Variants in SBF2 observed in about 807,000 individuals in gnomAD.
SBF2 encodes myotubularin-related protein 13.
In SBF2, 112 loss-of-function variants were observed where a neutral mutation model predicts 225.2. The ratio of observed to expected loss-of-function variants is 0.50; its 90% CI spans 0.43 to 0.58. SBF2 has a LOEUF of 0.58. Among genes scored for constraint, SBF2 ranks in the 20% least tolerant of loss-of-function variants. The probability of loss-of-function intolerance (pLI) is 0.00; values close to 1 mark genes in which losing one functional copy is unlikely to be tolerated. For synonymous variants in SBF2, 763 were observed against 773.3 expected, an observed-to-expected ratio of 0.99 and a Z score of 0.22; for missense variants, 1,996 against 2,206.2, an observed-to-expected ratio of 0.90 and a Z score of 1.91.
chr11:10,027,941 C>CACTTTCCTTT (rs1192774115), intron 6 of SBF2, among the ~76,000 whole-genome samples: 2 of 152,106 alleles, frequency 1.3e-5, no homozygotes, highest in Non-Finnish European at 1.5e-5. Flanking sequence ...AAAATATGTC[C>CACTTTCCTTT]ACTTTCCTTC....
chr11:10,007,772 A>G (rs1369492587), intron 6 of SBF2, among the ~76,000 whole-genome samples: 1 of 152,148 alleles, frequency 6.6e-6, no homozygotes, highest in African/African-American at 2.4e-5. Flanking sequence ...ATCCAGGGCT[A>G]TCCTCTGGAC....
intron 36 of SBF2, among the ~76,000 whole-genome samples, chr11:9,787,189 C>T (rs949698933): frequency 2.6e-5 from 4 of 152,176 alleles, no homozygotes; most frequent in Non-Finnish European, 5.9e-5. Flanking sequence ...CCACCGCACC[C>T]GGCCGTTAAA....
chr11:9,838,005 G>A (rs1054001164), intron 26 of SBF2: 4 of 149,592 alleles, frequency 2.7e-5, no homozygotes, highest in African/African-American at 9.8e-5. Flanking sequence ...CAAAGTGCTG[G>A]GATTACAGGC....
intron 2 of SBF2, among the ~76,000 whole-genome samples, chr11:10,189,939 G>C (rs1168742935): frequency 6.6e-6 from 1 of 152,158 alleles, no homozygotes; most frequent in Non-Finnish European, 1.5e-5. Context: ...ATCACCTGAG[G>C]TCAGGAGTTC....
At chr11:10,157,267 T>C (rs548982643) in intron 2 of SBF2, among the ~76,000 whole-genome samples, 19 of 152,078 alleles carry the variant, frequency 1.2e-4, no homozygotes, top group Non-Finnish European at 2.8e-4. Flanking sequence ...AAAAATTAAC[T>C]CAAGATGGAT....
At chr11:10,145,499 C>T (rs1023632185) in intron 2 of SBF2, among the ~76,000 whole-genome samples, 2 of 151,964 alleles carry the variant, frequency 1.3e-5, no homozygotes, top group Non-Finnish European at 2.9e-5. Flanking sequence ...TATAAAAGAG[C>T]TTTAGGGCTG....
At chr11:10,079,784 C>T (rs181777874) in intron 2 of SBF2, among the ~76,000 whole-genome samples, 1 of 152,166 alleles carries the variant, frequency 6.6e-6, no homozygotes, top group East Asian at 1.9e-4. Context: ...ATGACATAGT[C>T]ATCAGAATGC....
chr11:9,790,091 T>C (rs566700098), intron 34 of SBF2, among the ~76,000 whole-genome samples: 17 of 152,342 alleles, frequency 1.1e-4, no homozygotes, highest in South Asian at 1.0e-3. Context: ...GTGTGTTATG[T>C]AGATGTGCAT....
At chr11:10,211,379 A>G (rs1046980256) in intron 1 of SBF2, among the ~76,000 whole-genome samples, 7 of 152,192 alleles carry the variant, frequency 4.6e-5, no homozygotes, top group Admixed American at 1.3e-4. Flanking sequence ...AAACCCAGAG[A>G]GACCCACCAG....
chr11:9,800,373 AG>A (rs1228554386), intron 32 of SBF2, among the ~76,000 whole-genome samples: 1 of 152,088 alleles, frequency 6.6e-6, no homozygotes, highest in African/African-American at 2.4e-5. Context: ...TTTGCTTAAC[AG>A]GGATTTTTAA....
At position 9,845,625 on chromosome 11, in the gene SBF2, G is replaced by A; in HGVS notation, c.3050C>T (p.Ala1017Val). 2 of 1,613,960 alleles carry A rather than the reference G, an allele frequency of 1.2e-6. No homozygotes were observed. Among genetic ancestry groups the A allele is most frequent in the Non-Finnish European group, 1.7e-6 (2 of 1,179,834 alleles). ...AATTATTTGTGGGGTAGTTTGTCCA[G>A]CAGCAAAAGCAAAGGTACTGAAAAT... is the stretch of plus-strand genomic sequence containing the variant. ...QSIFSTFAFAAGQTTPQIILP... is the reference protein window; with the variant it reads ...QSIFSTFAFAVGQTTPQIILP... The change falls in exon 24 of 40, where the codon GCT becomes GTT. Residue 1017 changes from alanine (A) to valine (V), a missense_variant. Transcript: ENST00000256190.
intron 13 of SBF2, among the ~76,000 whole-genome samples, chr11:9,980,092 T>G (rs532441388): frequency 1.3e-5 from 2 of 151,858 alleles, no homozygotes; most frequent in East Asian, 3.9e-4. Flanking sequence ...GCAGTTCTCC[T>G]GCCTCAGCCT....
intron 16 of SBF2, among the ~76,000 whole-genome samples, chr11:9,930,188 G>A (rs1864381544): frequency 6.6e-6 from 1 of 152,072 alleles, no homozygotes; most frequent in African/African-American, 2.4e-5. Context: ...GAAAAAAAAT[G>A]TGTTTGAGCC....
intron 2 of SBF2, among the ~76,000 whole-genome samples, chr11:10,118,997 T>TA (rs537798319): frequency 2.0e-5 from 3 of 151,612 alleles, no homozygotes; most frequent in Admixed American, 2.0e-4. Context: ...AAAAGGCTAC[T>TA]AAAAAAAGAA....
chr11:9,995,825 C>CTTTT (rs71034750), intron 9 of SBF2, among the ~76,000 whole-genome samples: 2 of 137,330 alleles, frequency 1.5e-5, no homozygotes, highest in Non-Finnish European at 3.1e-5. Context: ...AATTTTTTGT[C>CTTTT]TTTTTTTTTT....
At chr11:9,893,179 G>C (rs937412028) in intron 17 of SBF2, among the ~76,000 whole-genome samples, 3 of 152,228 alleles carry the variant, frequency 2.0e-5, no homozygotes, top group Admixed American at 6.5e-5. Flanking sequence ...TGGCTGGACA[G>C]TATGAGGATG....
intron 1 of SBF2, among the ~76,000 whole-genome samples, chr11:10,240,659 G>A (rs12290748): frequency 0.49 from 74,719 of 151,864 alleles, 18,734 homozygotes; most frequent in Non-Finnish European, 0.54. Flanking sequence ...CAGAAAAATT[G>A]GAGCAGTAGA....
At chr11:9,925,555 C>T (rs575164207) in intron 16 of SBF2, among the ~76,000 whole-genome samples, 47 of 152,322 alleles carry the variant, frequency 3.1e-4, no homozygotes, top group African/African-American at 1.0e-3. Flanking sequence ...GGATTATAGG[C>T]GTGAGCCACC....
intron 35 of SBF2, among the ~76,000 whole-genome samples, chr11:9,788,295 A>G (rs1852505242): frequency 6.6e-6 from 1 of 152,204 alleles, no homozygotes. Context: ...AGGAAGCCAG[A>G]TGGGGAAGAC....
Sources: gnomAD v4.1 joint callset for allele counts (sites outside exome capture counted in the v4.1 genomes callset) on GRCh38, gnomAD v4.1.1 for gene constraint, MANE v1.5 for transcripts, NCBI Gene and HGNC (gene_info 2026-07-23, HGNC 2026-07-21) for gene names.